NELL1: variants seen among roughly 807,000 people sequenced by gnomAD.
NELL1 encodes protein kinase C-binding protein NELL1.
NELL1 carries 76 observed loss-of-function variants against 107.4 expected under a neutral mutation model. The observed-to-expected ratio is 0.71, with a 90% CI of 0.59 to 0.86. The LOEUF is 0.86. Among genes scored for constraint, NELL1 ranks in the 40% least tolerant of loss-of-function variants. The pLI is 0.00. For synonymous variants in NELL1, 353 were observed against 341.2 expected (o/e 1.03, Z -0.38); for missense variants, 1,024 against 1,005.5 (o/e 1.02, Z -0.25).
intron 12 of NELL1, among the ~76,000 whole-genome samples, chr11:20,961,892 G>A (rs1851298663): frequency 6.6e-6 from 1 of 152,022 alleles, no homozygotes; most frequent in African/African-American, 2.4e-5. Flanking sequence ...TTTTGGCTTT[G>A]ACTAAAGACC....
In NELL1 at chr11:21,514,833, C is replaced by T. The variant is rs78291551; in HGVS notation, c.1646-19541C>T. Among the ~76,000 whole-genome samples, 795 of 152,242 alleles carry T rather than the reference C, an allele frequency of 5.2e-3. 4 individuals carry two copies. Among genetic ancestry groups the T allele is most frequent in the African/African-American group, 0.018 (768 of 41,542 alleles). ...TGAGAAACTATTCTTTTACAGTGTACAGTCCTGTCCTGTATTATTGAGGAC... is the reference window on the plus strand; with the variant it reads ...TGAGAAACTATTCTTTTACAGTGTATAGTCCTGTCCTGTATTATTGAGGAC... On this transcript the variant is annotated intron_variant, in intron 15 of 19. Coordinates refer to ENST00000357134, the MANE Select transcript of NELL1 (RefSeq NM_006157.5).
At chr11:21,298,908 C>T (rs188401772) in intron 14 of NELL1, among the ~76,000 whole-genome samples, 88 of 152,120 alleles carry the variant, frequency 5.8e-4, no homozygotes, top group African/African-American at 2.1e-3. Context: ...ATCTGCTCTC[C>T]ATCTTCTCTC....
At chr11:20,699,414 G>A (rs1854712942) in intron 2 of NELL1, among the ~76,000 whole-genome samples, 1 of 151,710 alleles carries the variant, frequency 6.6e-6, no homozygotes, top group African/African-American at 2.4e-5. Context: ...AGGCTGGAGT[G>A]CAGTGGTGCG....
At chr11:21,193,753 G>A (rs773612274) in intron 13 of NELL1, among the ~76,000 whole-genome samples, 17 of 151,800 alleles carry the variant, frequency 1.1e-4, no homozygotes, top group African/African-American at 4.1e-4. Context: ...GAGTGACAGG[G>A]ATAAAAAGAA....
In NELL1 at chr11:21,570,846, C is replaced by T. The variant is rs200506269; in HGVS notation, c.2063C>T (p.Thr688Ile). The change falls in exon 18 of 20, where the codon ACC (threonine) becomes ATC (isoleucine). Residue 688 changes from threonine (T) to isoleucine (I), a missense_variant. By Grantham distance (89) the Thr-to-Ile change is moderately conservative (BLOSUM62 -1). Coordinates refer to ENST00000357134, the MANE Select transcript of NELL1 (RefSeq NM_006157.5). ...ADLFCCPECDTRVTSQCLDQN... is the reference protein window; with the variant it reads ...ADLFCCPECDIRVTSQCLDQN... ...CTATTCTGTTGCCCAGAATGTGACA[C>T]CAGAGTCACAAGTCAATGTTTAGAC... is the stretch of plus-strand genomic sequence containing the variant. The T allele has an allele frequency of 6.2e-7, 1 of 1,611,988 alleles. No individual in the cohort carries two copies. Among genetic ancestry groups the T allele is most frequent in the Non-Finnish European group, 8.5e-7 (1 of 1,178,680 alleles).
chr11:21,324,225 AT>A (rs1181991704), intron 14 of NELL1, among the ~76,000 whole-genome samples: 1 of 152,106 alleles, frequency 6.6e-6, no homozygotes, highest in Non-Finnish European at 1.5e-5. Context: ...AGCTCAAGAA[AT>A]TTTTTTCCCA....
chr11:20,966,309 A>G (rs776681223), intron 12 of NELL1, among the ~76,000 whole-genome samples: 5 of 152,120 alleles, frequency 3.3e-5, no homozygotes, highest in African/African-American at 1.2e-4. Flanking sequence ...GCCTTTTTAT[A>G]TGAGGGCAGA....
intron 17 of NELL1, among the ~76,000 whole-genome samples, chr11:21,562,293 T>TTAGACTGTGGAA (rs1856867766): frequency 1.3e-5 from 2 of 152,080 alleles, no homozygotes; most frequent in South Asian, 4.1e-4. Context: ...CTTATGAGAA[T>TTAGACTGTGGAA]TAGACTGAAA....
At chr11:20,739,140 G>A (rs1009857099) in intron 2 of NELL1, among the ~76,000 whole-genome samples, 5 of 152,252 alleles carry the variant, frequency 3.3e-5, no homozygotes, top group African/African-American at 1.2e-4. Context: ...CAGCACAGCT[G>A]TCCTTGTAGA....
intron 14 of NELL1, among the ~76,000 whole-genome samples, chr11:21,289,614 G>T (rs1021684540): frequency 1.3e-5 from 2 of 152,288 alleles, no homozygotes; most frequent in South Asian, 2.1e-4. Flanking sequence ...CTAACTGAAG[G>T]AGTTTTTTTT....
At chr11:21,281,819 C>T (rs1849001925) in intron 14 of NELL1, among the ~76,000 whole-genome samples, 1 of 152,172 alleles carries the variant, frequency 6.6e-6, no homozygotes, top group African/African-American at 2.4e-5. Flanking sequence ...TAGGAGATGC[C>T]TATCTCTCGT....
At chr11:21,478,755 C>A (rs1487127142) in intron 15 of NELL1, among the ~76,000 whole-genome samples, 1 of 149,474 alleles carries the variant, frequency 6.7e-6, no homozygotes, top group Non-Finnish European at 1.5e-5. Flanking sequence ...ATAGGGAACC[C>A]ACAGAACTGG....
At chr11:20,889,712 G>A (rs1255168514) in intron 5 of NELL1, among the ~76,000 whole-genome samples, 12 of 152,146 alleles carry the variant, frequency 7.9e-5, no homozygotes, top group East Asian at 3.9e-4. Context: ...GAAGGCTGGC[G>A]TGACTCATGG....
intron 16 of NELL1, among the ~76,000 whole-genome samples, chr11:21,541,424 G>T (rs1856290120): frequency 6.6e-6 from 1 of 152,100 alleles, no homozygotes; most frequent in African/African-American, 2.4e-5. Context: ...CCTTGGGAAA[G>T]AAATTTCCAT....
chr11:21,316,625 C>T (rs1312826191), intron 14 of NELL1, among the ~76,000 whole-genome samples: 1 of 152,132 alleles, frequency 6.6e-6, no homozygotes, highest in Non-Finnish European at 1.5e-5. Flanking sequence ...AGAGTGCCCC[C>T]TCTGATCCTG....
chr11:21,425,717 A>G (rs1298976796), intron 15 of NELL1, among the ~76,000 whole-genome samples: 1 of 152,342 alleles, frequency 6.6e-6, no homozygotes, highest in South Asian at 2.1e-4. Context: ...TTTGTGTTGT[A>G]TTAAGTTTGT....
At chr11:21,242,702 G>C (rs1858395251) in intron 14 of NELL1, among the ~76,000 whole-genome samples, 1 of 150,514 alleles carries the variant, frequency 6.6e-6, no homozygotes, top group Non-Finnish European at 1.5e-5. Flanking sequence ...CTCTGTTTGA[G>C]TAAACTCATC....
At chr11:21,279,192 A>C (rs567774749) in intron 14 of NELL1, among the ~76,000 whole-genome samples, 19 of 152,330 alleles carry the variant, frequency 1.2e-4, no homozygotes, top group African/African-American at 4.6e-4. Flanking sequence ...TAACAGGAGA[A>C]ATTCTAGGTG....
chr11:20,780,893 G>A (rs975458534), intron 2 of NELL1, among the ~76,000 whole-genome samples: 1 of 152,144 alleles, frequency 6.6e-6, no homozygotes, highest in Non-Finnish European at 1.5e-5. Context: ...GGGTGGGAAA[G>A]GCAGGCAAGA....
Sources: gnomAD v4.1 joint callset for allele counts (sites outside exome capture counted in the v4.1 genomes callset) on GRCh38, gnomAD v4.1.1 for gene constraint, MANE v1.5 for transcripts, NCBI Gene and HGNC (gene_info 2026-07-23, HGNC 2026-07-21) for gene names.